The following DNM3 variants were observed in gnomAD, a reference collection of about 807,000 sequenced individuals.
DNM3 encodes dynamin-3.
Under a neutral mutation model 101.6 loss-of-function variants are expected in DNM3, and 47 were observed. The ratio of observed to expected loss-of-function variants is 0.46; its 90% CI spans 0.37 to 0.59. The LOEUF (loss-of-function observed/expected upper bound fraction) is 0.59. DNM3 is among the 20% of genes least tolerant of loss of function. DNM3 has a pLI of 0.00. For missense variants in DNM3, 849 were observed against 1,085.7 expected (o/e 0.78, Z 3.06); for synonymous variants, 385 against 387.9 (o/e 0.99, Z 0.09).
chr1:172,110,511 A>G (rs148914813), intron 13 of DNM3, among the ~76,000 whole-genome samples: 16 of 152,360 alleles, frequency 1.1e-4, no homozygotes, highest in South Asian at 4.1e-4. Context: ...AAAGAATTAA[A>G]TATTTTAAAA....
intron 2 of DNM3, among the ~76,000 whole-genome samples, chr1:171,950,521 C>T (rs149508119): frequency 4.1e-4 from 63 of 152,204 alleles, no homozygotes; most frequent in East Asian, 2.7e-3. Flanking sequence ...GCATATTAAA[C>T]GCACTTTTGA....
At chr1:171,966,799 G>A (rs2043620966) in intron 2 of DNM3, among the ~76,000 whole-genome samples, 1 of 152,122 alleles carries the variant, frequency 6.6e-6, no homozygotes, top group South Asian at 2.1e-4. Flanking sequence ...TTAAATCAAA[G>A]GGCAAACTAT....
chr1:172,173,477 T>C (rs926586984), intron 14 of DNM3, among the ~76,000 whole-genome samples: 3 of 149,146 alleles, frequency 2.0e-5, no homozygotes, highest in Non-Finnish European at 4.4e-5. Context: ...CAAAACTTAG[T>C]CTCAAAAGAG....
At chr1:172,185,386 C>T (rs1294110203) in intron 14 of DNM3, among the ~76,000 whole-genome samples, 1 of 152,100 alleles carries the variant, frequency 6.6e-6, no homozygotes, top group Admixed American at 6.6e-5. Context: ...AAGTGAAACT[C>T]AATTTTGAAA....
At chr1:172,344,329 T>C (rs763748958) in intron 17 of DNM3, among the ~76,000 whole-genome samples, 13 of 152,366 alleles carry the variant, frequency 8.5e-5, no homozygotes, top group Non-Finnish European at 1.9e-4. Context: ...CTTTTACTGT[T>C]GTGAGTGGGT....
chr1:171,974,866 C>CTTTTTTTTT (rs202081677), intron 2 of DNM3, among the ~76,000 whole-genome samples: 32 of 149,488 alleles, frequency 2.1e-4, no homozygotes, highest in African/African-American at 7.4e-4. Flanking sequence ...TCTTCTTCTA[C>CTTTTTTTTT]TGTTTTTTTT....
At chr1:171,893,671 TCTC>T (rs1321432633) in intron 1 of DNM3, among the ~76,000 whole-genome samples, 1 of 152,138 alleles carries the variant, frequency 6.6e-6, no homozygotes, top group African/African-American at 2.4e-5. Context: ...CCCAGGTTGG[TCTC>T]AAACTCCTGG....
chr1:172,398,180 G>A (rs1169356251), intron 20 of DNM3, among the ~76,000 whole-genome samples: 1 of 152,172 alleles, frequency 6.6e-6, no homozygotes, highest in Non-Finnish European at 1.5e-5. Flanking sequence ...ATGTTGAATT[G>A]GAAAAGCAAG....
At chr1:171,893,015 C>A (rs1390488529) in intron 1 of DNM3, among the ~76,000 whole-genome samples, 1 of 149,974 alleles carries the variant, frequency 6.7e-6, no homozygotes, top group African/African-American at 2.5e-5. Flanking sequence ...GAGTTGGGGA[C>A]CCCTGAACTA....
At chr1:172,403,573 C>T (rs535913838) in intron 20 of DNM3, among the ~76,000 whole-genome samples, 1 of 152,146 alleles carries the variant, frequency 6.6e-6, no homozygotes, top group Non-Finnish European at 1.5e-5. Context: ...ATGCCACCCA[C>T]CCTGCATGAG....
At chr1:172,311,486 T>G (rs888096273) in intron 16 of DNM3, among the ~76,000 whole-genome samples, 1 of 152,230 alleles carries the variant, frequency 6.6e-6, no homozygotes, top group African/African-American at 2.4e-5. Flanking sequence ...CACACACCTG[T>G]GATCCCAGCT....
chr1:171,911,273 CTTTTTTTTT>C (rs151321245), intron 1 of DNM3, among the ~76,000 whole-genome samples: 11 of 90,752 alleles, frequency 1.2e-4, no homozygotes, highest in Non-Finnish European at 2.0e-4. Context: ...ACCCCAACAT[CTTTTTTTTT>C]TTTTTTTTTT....
intron 16 of DNM3, among the ~76,000 whole-genome samples, chr1:172,320,153 G>A (rs1311282102): frequency 6.8e-6 from 1 of 148,056 alleles, no homozygotes; most frequent in Non-Finnish European, 1.5e-5. Flanking sequence ...AACACCACAT[G>A]TTCTCACTCA....
At position 172,388,658 on chromosome 1, in the gene DNM3, C is replaced by T. The variant is rs749578623; in HGVS notation, c.2371C>T (p.Pro791Ser). Residue 791 changes from proline to serine, a missense_variant, in exon 20 of 21, where the codon CCT becomes TCT. Around this residue, in one of 5 missense-constraint regions of DNM3, gnomAD observed 256 missense variants for 311.7 expected, o/e 0.82. Coordinates refer to ENST00000627582, the MANE Select transcript of DNM3 (RefSeq NM_015569.5). ...GCCCACATCCGGCCGAGGACCAGCT[C>T]CTGCCATTCCCTCTCCTGGCCCCCA... ...ARPTSGRGPA[P>S]AIPSPGPHSG... 7 of 1,613,898 alleles carry T rather than the reference C, an allele frequency of 4.3e-6. No homozygotes were observed. Among genetic ancestry groups the T allele is most frequent in the Non-Finnish European group, 5.9e-6 (7 of 1,179,908 alleles).
At chr1:172,097,633 T>C (rs545052083) in intron 13 of DNM3, among the ~76,000 whole-genome samples, 8 of 152,152 alleles carry the variant, frequency 5.3e-5, no homozygotes, top group East Asian at 3.9e-4. Context: ...AAAGAAGAAC[T>C]GGAACTGAAT....
chr1:172,300,259 T>A (rs1051074144), intron 15 of DNM3, among the ~76,000 whole-genome samples: 1 of 152,244 alleles, frequency 6.6e-6, no homozygotes, highest in Non-Finnish European at 1.5e-5. Flanking sequence ...ACTGAATTAT[T>A]TAAGTTCCCT....
rs1283502171 is a variant in DNM3, at chr1:171,933,993, T to C, written c.235+12172T>C. Among the ~76,000 whole-genome samples the C allele has an allele frequency of 2.0e-5, 3 of 152,356 alleles. No individual in the cohort carries two copies. In the East Asian group the frequency reaches 5.8e-4, roughly 29 times the overall value. On this transcript the variant is annotated intron_variant, in intron 2 of 20. Coordinates refer to ENST00000627582, the MANE Select transcript of DNM3 (RefSeq NM_015569.5). ...AAGTAGAAGATAAAGTATTTGCTGA[T>C]AGTAATCATTTTCTCTTCTCATTTC...
At chr1:172,242,733 G>A (rs1329838458) in intron 14 of DNM3, among the ~76,000 whole-genome samples, 3 of 152,168 alleles carry the variant, frequency 2.0e-5, no homozygotes, top group Non-Finnish European at 4.4e-5. Context: ...ATGAGCTCCT[G>A]TACCTGGCCT....
intron 17 of DNM3, among the ~76,000 whole-genome samples, chr1:172,344,290 A>AGTG (rs1317179503): frequency 1.3e-5 from 2 of 152,182 alleles, no homozygotes; most frequent in Non-Finnish European, 2.9e-5. Context: ...AAGAATTGTG[A>AGTG]GTGGTTGCTC....
Sources: gnomAD v4.1 joint callset for allele counts (sites outside exome capture counted in the v4.1 genomes callset) on GRCh38, gnomAD v4.1.1 for gene constraint, gnomAD v4.1.1 regional missense constraint, MANE v1.5 for transcripts, NCBI Gene and HGNC (gene_info 2026-07-23, HGNC 2026-07-21) for gene names.